TEK: variants seen among roughly 807,000 people sequenced by gnomAD.
TEK encodes angiopoietin-1 receptor.
In TEK, 43 loss-of-function variants were observed where a neutral mutation model predicts 131.8. The observed-to-expected ratio is 0.33, with a 90% CI of 0.26 to 0.42. TEK has a LOEUF of 0.42. Among genes scored for constraint, TEK ranks in the 10% least tolerant of loss-of-function variants. TEK has a pLI of 1.00. For missense variants in TEK, 1,162 were observed against 1,384.4 expected, an observed-to-expected ratio of 0.84 and a Z score of 2.55; for synonymous variants, 580 against 491.6, an observed-to-expected ratio of 1.18 and a Z score of -2.38.
intron 6 of TEK, among the ~76,000 whole-genome samples, chr9:27,174,024 C>T (rs1432981278): frequency 1.3e-5 from 2 of 152,022 alleles, no homozygotes; most frequent in African/African-American, 4.8e-5. Flanking sequence ...CTGCCGTGGA[C>T]CTTATGCAAG....
chr9:27,185,725 C>A (rs1824577016), intron 9 of TEK, 96 bp downstream of exon 9: 29 of 1,506,994 alleles, frequency 1.9e-5, no homozygotes, highest in Non-Finnish European at 2.6e-5. Context: ...CACTAAAATA[C>A]CTTTGGGGTA....
chr9:27,152,590 G>GCCCC lies in TEK; in HGVS notation c.53-5237_53-5234dup, dbSNP rs370861168. ...TCTTTCAAATAAAATCTTATATGAA[G>GCCCC]CCCCCCCGCCGCAAAAAAATAAAAT... On this transcript the variant is annotated intron_variant, in intron 1 of 22. Transcript: ENST00000380036. Among the ~76,000 whole-genome samples the GCCCC allele has an allele frequency of 3.1e-3, 438 of 141,270 alleles. 6 individuals carry two copies. The highest frequency in any genetic ancestry group is 0.011 in the African/African-American group (412 of 36,444). The allele number at this position is 141,270 out of a possible 152,430, so 92.7% of individuals were successfully genotyped here. A position where few individuals can be genotyped will look rare whatever the true frequency, so the allele number is the denominator to read the frequency against.
At position 27,230,102 on chromosome 9, in the gene TEK, A is replaced by C. The variant is rs968113323; in HGVS notation, c.*870A>C. On this transcript the variant is annotated 3_prime_UTR_variant, in exon 23 of 23. Coordinates refer to ENST00000380036, the MANE Select transcript of TEK (RefSeq NM_000459.5). ...TTTAGTTTTGATGAGTTGTGAGTTT[A>C]CCTTGTATACTGTAGGCACACTTTG... 2.6e-5 allele frequency: 4 copies of C among 152,180 alleles called. No individual in the cohort carries two copies. Among genetic ancestry groups the C allele is most frequent in the Non-Finnish European group, 4.4e-5 (3 of 68,034 alleles). 9.4% of individuals were successfully genotyped at this position (152,180 alleles called of 1,614,324 possible). A position where few individuals can be genotyped will look rare whatever the true frequency, so the allele number is the denominator to read the frequency against.
chr9:27,183,751 C>T (rs1243098822), intron 8 of TEK, 141 bp downstream of exon 8: 10 of 1,162,076 alleles, frequency 8.6e-6, no homozygotes, highest in Non-Finnish European at 1.1e-5. Flanking sequence ...TGCCCTATTC[C>T]TGGAGAGGCA....
At chr9:27,130,626 C>CTTTT (rs571794271) in intron 1 of TEK, among the ~76,000 whole-genome samples, 66 of 121,818 alleles carry the variant, frequency 5.4e-4, no homozygotes, top group African/African-American at 1.3e-3. Flanking sequence ...GATTAAAGTA[C>CTTTT]TTTTTTTTTT....
chr9:27,123,218 T>C (rs1054743906), intron 1 of TEK, among the ~76,000 whole-genome samples: 2 of 152,004 alleles, frequency 1.3e-5, no homozygotes, highest in Non-Finnish European at 2.9e-5. Context: ...AAGCATAGAT[T>C]CCTTTCTGGG....
chr9:27,228,164 G>A (rs909076698), intron 21 of TEK, 42 bp from the exon 22 acceptor site: 3 of 1,533,414 alleles, frequency 2.0e-6, no homozygotes, highest in Non-Finnish European at 1.8e-6. Flanking sequence ...TAGGACTGAA[G>A]CACAGTTATA....
Position 27,206,793 on chromosome 9 carries a change from G to T in TEK, c.2575+1G>T. On this transcript the variant is annotated splice_donor_variant, in intron 15 of 22. Transcript: ENST00000380036. LOFTEE classifies it high-confidence loss of function. ...GATGCTGCCATCAAAAGAATGAAAG[G>T]TCAGTGGTTGACCAGATAGAGTCAG... 6.2e-7 allele frequency: 1 copy of T among 1,613,612 alleles called. No individual in the cohort carries two copies. Among genetic ancestry groups the T allele is most frequent in the Non-Finnish European group, 8.5e-7 (1 of 1,179,880 alleles).
intron 1 of TEK, among the ~76,000 whole-genome samples, chr9:27,121,487 T>G (rs1821787924): frequency 6.7e-6 from 1 of 149,156 alleles, no homozygotes; most frequent in Non-Finnish European, 1.5e-5. Context: ...TTTTATAAAT[T>G]TATATACATA....
intron 18 of TEK, among the ~76,000 whole-genome samples, chr9:27,215,944 G>A (rs1825807859): frequency 6.6e-6 from 1 of 152,166 alleles, no homozygotes; most frequent in African/African-American, 2.4e-5. Flanking sequence ...GTGAGGATGT[G>A]AGAATAAGTT....
chr9:27,186,088 A>AT (rs1420312595), intron 9 of TEK, among the ~76,000 whole-genome samples: 2 of 152,184 alleles, frequency 1.3e-5, no homozygotes, highest in Non-Finnish European at 2.9e-5. Flanking sequence ...GAGAATCCCT[A>AT]TTTTGAGGAT....
At chr9:27,142,453 G>A (rs1421661876) in intron 1 of TEK, among the ~76,000 whole-genome samples, 1 of 152,222 alleles carries the variant, frequency 6.6e-6, no homozygotes, top group Admixed American at 6.5e-5. Flanking sequence ...CTGAAAGTTG[G>A]TGAGATCACT....
chr9:27,158,749 T>C lies in TEK; in HGVS notation c.364+607T>C, dbSNP rs552580036. On this transcript the variant is annotated intron_variant, in intron 2 of 22. Transcript: ENST00000380036. The stretch of plus-strand genomic sequence containing the variant: ...ATTTTGGCTCACTGCAACCTCCGCC[T>C]CCCGGGTTCAAGCGATTCTTCTGCC... Among the ~76,000 whole-genome samples, 3 of 150,360 alleles carry C rather than the reference T, an allele frequency of 2.0e-5. No individual in the cohort carries two copies. The South Asian group carries it at 6.4e-4, about 32-fold the overall frequency.
intron 2 of TEK, among the ~76,000 whole-genome samples, chr9:27,162,754 C>T (rs1040911012): frequency 3.3e-5 from 5 of 151,752 alleles, no homozygotes; most frequent in Non-Finnish European, 5.9e-5. Flanking sequence ...CTTGCTCTGT[C>T]ACCCAGGCTG....
chr9:27,143,724 T>C (rs566002759), intron 1 of TEK, among the ~76,000 whole-genome samples: 1 of 152,308 alleles, frequency 6.6e-6, no homozygotes, highest in Admixed American at 6.5e-5. Flanking sequence ...AAAGGAGAAG[T>C]TGTTTTCCTA....
chr9:27,137,959 G>GAC (rs1822553323), intron 1 of TEK, among the ~76,000 whole-genome samples: 4 of 152,126 alleles, frequency 2.6e-5, no homozygotes, highest in African/African-American at 9.7e-5. Flanking sequence ...TGTGTCTGGA[G>GAC]TTTCTTCCTT....
At chr9:27,221,825 TGCC>T (rs1826096109) in intron 21 of TEK, among the ~76,000 whole-genome samples, 2 of 152,144 alleles carry the variant, frequency 1.3e-5, no homozygotes, top group Non-Finnish European at 2.9e-5. Flanking sequence ...AAAACCAGAA[TGCC>T]TCTCCTCCTC....
chr9:27,146,446 C>A (rs958093808), intron 1 of TEK, among the ~76,000 whole-genome samples: 5 of 152,126 alleles, frequency 3.3e-5, no homozygotes, highest in Non-Finnish European at 5.9e-5. Context: ...TTCTCCCAGC[C>A]CTAATCCTTG....
chr9:27,162,451 A>T (rs1420857662), intron 2 of TEK, among the ~76,000 whole-genome samples: 2 of 152,212 alleles, frequency 1.3e-5, no homozygotes, highest in African/African-American at 4.8e-5. Context: ...GGGGGTAGGA[A>T]ATTATATATA....
Sources: allele counts gnomAD v4.1 joint callset (sites outside exome capture counted in the v4.1 genomes callset), GRCh38; gene constraint gnomAD v4.1.1; transcripts MANE v1.5; gene names NCBI Gene and HGNC (gene_info 2026-07-23, HGNC 2026-07-21).